Variants in CAB39L observed in about 807,000 individuals in gnomAD.
CAB39L encodes calcium binding protein 39 like, also known as calcium-binding protein 39-like.
A neutral mutation model predicts 39.1 loss-of-function variants in CAB39L; 23 were observed. The observed-to-expected ratio is 0.59, with a 90% CI of 0.42 to 0.83. CAB39L has a LOEUF of 0.83. CAB39L is among the 40% of genes least tolerant of loss of function. The pLI is 0.00. For synonymous variants in CAB39L, 126 were observed against 137.2 expected (o/e 0.92, Z 0.57); for missense variants, 366 against 391.9 (o/e 0.93, Z 0.56).
chr13:49,332,329 T>A (rs1954727311), intron 9 of CAB39L, among the ~76,000 whole-genome samples: 1 of 152,238 alleles, frequency 6.6e-6, no homozygotes, highest in South Asian at 2.1e-4. Context: ...TGGTCTTTGC[T>A]GCAGCTCACC....
intron 1 of CAB39L, among the ~76,000 whole-genome samples, chr13:49,442,144 T>C (rs1177313509): frequency 6.6e-6 from 1 of 152,238 alleles, no homozygotes; most frequent in East Asian, 1.9e-4. Context: ...CCAATGACTA[T>C]TCTATACTTC....
intron 3 of CAB39L, chr13:49,420,399 A>G (rs1452706748): frequency 2.0e-5 from 3 of 152,222 alleles, no homozygotes; most frequent in African/African-American, 4.8e-5. Context: ...AGTTATAGTT[A>G]TATATTTTAT....
intron 3 of CAB39L, among the ~76,000 whole-genome samples, chr13:49,420,113 T>C (rs767219525): frequency 3.9e-5 from 6 of 152,214 alleles, no homozygotes; most frequent in Non-Finnish European, 7.3e-5. Flanking sequence ...TCCATTTAGA[T>C]ATCTGTGAAA....
At chr13:49,404,230 T>C (rs1566121246) in intron 3 of CAB39L, among the ~76,000 whole-genome samples, 1 of 152,128 alleles carries the variant, frequency 6.6e-6, no homozygotes, top group Non-Finnish European at 1.5e-5. Context: ...CACGAGACTG[T>C]CTGGTAATCC....
chr13:49,315,846 C>T (rs565607945), intron 10 of CAB39L, among the ~76,000 whole-genome samples: 104 of 143,888 alleles, frequency 7.2e-4, no homozygotes, highest in Non-Finnish European at 1.3e-3. Flanking sequence ...GATCGTGCCA[C>T]GGCACTCCAG....
chr13:49,367,515 A>G (rs1052110767), intron 5 of CAB39L, among the ~76,000 whole-genome samples: 1 of 152,242 alleles, frequency 6.6e-6, no homozygotes, highest in African/African-American at 2.4e-5. Flanking sequence ...CTTGGCATCT[A>G]TCACAGAGAA....
chr13:49,420,642 T>C (rs562325640), intron 3 of CAB39L, among the ~76,000 whole-genome samples: 2 of 152,332 alleles, frequency 1.3e-5, no homozygotes, highest in African/African-American at 4.8e-5. Context: ...TTTATTCTTC[T>C]AAGTAAAACC....
At chr13:49,317,096 G>T (rs1954179554) in intron 10 of CAB39L, among the ~76,000 whole-genome samples, 1 of 152,214 alleles carries the variant, frequency 6.6e-6, no homozygotes, top group Admixed American at 6.5e-5. Context: ...AAGCCATTCT[G>T]TCTGTGGTAC....
intron 3 of CAB39L, among the ~76,000 whole-genome samples, chr13:49,394,767 T>TGGTG (rs1956570635): frequency 6.6e-6 from 1 of 152,158 alleles, no homozygotes; most frequent in African/African-American, 2.4e-5. Context: ...TTACAATTGT[T>TGGTG]GGTGCCTTAC....
chr13:49,439,925 T>G (rs1957480451), intron 1 of CAB39L, among the ~76,000 whole-genome samples: 1 of 133,748 alleles, frequency 7.5e-6, no homozygotes, highest in South Asian at 2.8e-4. Flanking sequence ...TAATGGGTTT[T>G]TTTTTTTTTT....
chr13:49,427,919 CTCAGGA>C (rs1957267905), intron 3 of CAB39L, among the ~76,000 whole-genome samples: 2 of 152,130 alleles, frequency 1.3e-5, no homozygotes, highest in African/African-American at 4.8e-5. Context: ...AACAAGCTCT[CTCAGGA>C]CTCTTACAAG....
At chr13:49,406,169 C>CTTTT (rs1215587782) in intron 3 of CAB39L, among the ~76,000 whole-genome samples, 3 of 134,436 alleles carry the variant, frequency 2.2e-5, no homozygotes, top group East Asian at 2.1e-4. Context: ...TTGGAATGCT[C>CTTTT]TTTTTTTTTT....
rs766876554 is a variant in CAB39L, at chr13:49,310,780, A to T, written c.*34T>A. 8.7e-6 allele frequency: 14 copies of T among 1,604,542 alleles called. No individual in the cohort carries two copies. The Admixed American group carries it at 2.4e-4, about 27-fold the overall frequency. ...ACACACTGTACAAACTGGACAAATG[A>T]GACGACTGACTGTGACAGGGGCCGG... On this transcript the variant is annotated 3_prime_UTR_variant, in exon 11 of 11. Coordinates refer to ENST00000409308, the MANE Select transcript of CAB39L (RefSeq NM_001079670.3).
intron 5 of CAB39L, among the ~76,000 whole-genome samples, chr13:49,365,837 T>C (rs113179153): frequency 2.6e-5 from 4 of 152,340 alleles, no homozygotes; most frequent in South Asian, 4.1e-4. Flanking sequence ...CAAAGAGATA[T>C]CTACACTCCC....
intron 9 of CAB39L, among the ~76,000 whole-genome samples, chr13:49,335,870 AGGCAGCAG>A (rs1308793844): frequency 6.6e-6 from 1 of 152,204 alleles, no homozygotes; most frequent in Non-Finnish European, 1.5e-5. Context: ...GATTAATAAA[AGGCAGCAG>A]GTAGCAACTA....
intron 5 of CAB39L, among the ~76,000 whole-genome samples, chr13:49,372,740 G>A (rs766162713): frequency 1.3e-5 from 2 of 152,042 alleles, no homozygotes; most frequent in African/African-American, 2.4e-5. Flanking sequence ...GTGCAATCTC[G>A]GCTCACTGCA....
intron 9 of CAB39L, among the ~76,000 whole-genome samples, chr13:49,333,824 G>A (rs753918950): frequency 3.3e-5 from 5 of 151,390 alleles, no homozygotes; most frequent in Admixed American, 1.3e-4. Context: ...CATCCGCCTC[G>A]GCCTCTCAAA....
At chr13:49,320,103 C>T (rs528736263) in intron 10 of CAB39L, among the ~76,000 whole-genome samples, 1 of 152,106 alleles carries the variant, frequency 6.6e-6, no homozygotes, top group African/African-American at 2.4e-5. Context: ...CTGGAGTCAG[C>T]TAATGCAATA....
chr13:49,414,434 A>G (rs1957046958), intron 3 of CAB39L, among the ~76,000 whole-genome samples: 1 of 152,196 alleles, frequency 6.6e-6, no homozygotes, highest in Non-Finnish European at 1.5e-5. Flanking sequence ...GAAAATAGAG[A>G]TGGCTAGATG....
Sources: allele counts gnomAD v4.1 joint callset (sites outside exome capture counted in the v4.1 genomes callset), GRCh38; gene constraint gnomAD v4.1.1; transcripts MANE v1.5; gene names NCBI Gene and HGNC (gene_info 2026-07-23, HGNC 2026-07-21).